The following KIAA1671 variants were observed in gnomAD, a reference collection of about 807,000 sequenced individuals.
The protein encoded by KIAA1671 is KIAA1671, also known as uncharacterized protein KIAA1671.
KIAA1671 carries 52 observed loss-of-function variants against 131.2 expected under a neutral mutation model. The ratio of observed to expected loss-of-function variants is 0.40; its 90% CI spans 0.32 to 0.50. The LOEUF (loss-of-function observed/expected upper bound fraction) is 0.50, where lower values mean the gene tolerates loss of function less well. KIAA1671 is among the 20% of genes least tolerant of loss of function. The probability of loss-of-function intolerance (pLI) is 0.73; values close to 1 mark genes in which losing one functional copy is unlikely to be tolerated. For missense variants in KIAA1671, 2,360 were observed against 2,364.2 expected, an observed-to-expected ratio of 1.00 and a Z score of 0.04; for synonymous variants, 1,003 against 961.6, an observed-to-expected ratio of 1.04 and a Z score of -0.80.
At chr22:25,005,184 C>A (rs1270228639) in intron 1 of KIAA1671, among the ~76,000 whole-genome samples, 2 of 150,128 alleles carry the variant, frequency 1.3e-5, no homozygotes, top group Non-Finnish European at 3.0e-5. Context: ...CCTGTCTCTA[C>A]TAAAACTACA....
At chr22:25,171,024 T>C in intron 7 of KIAA1671, 86 bp downstream of exon 7, 3 of 1,034,022 alleles carry the variant, frequency 2.9e-6, no homozygotes, top group East Asian at 2.6e-5. Flanking sequence ...GATTTCTATA[T>C]TGCTAAAACC....
chr22:25,005,357 AAAAAAAAG>A (rs1454263150), intron 1 of KIAA1671, among the ~76,000 whole-genome samples: 2 of 151,850 alleles, frequency 1.3e-5, no homozygotes, highest in South Asian at 2.1e-4. Context: ...AAAAAAAAAA[AAAAAAAAG>A]AAAAAAAGAA....
chr22:25,029,220 G>A lies in KIAA1671; in HGVS notation c.1221G>A (p.Leu407=). The A allele has an allele frequency of 6.8e-7, 1 of 1,461,986 alleles. No individual in the cohort carries two copies. Among genetic ancestry groups the A allele is most frequent in the Non-Finnish European group, 9.1e-7 (1 of 1,103,430 alleles). 90.6% of individuals were successfully genotyped at this position (1,461,986 alleles called of 1,614,324 possible). Reference sequence around the variant, plus strand: ...CTGCTGAGTCCCCCTCACCCAGGCTGGGAAGGGGCCTAGAACTTGCTGAGG... The same window carrying A: ...CTGCTGAGTCCCCCTCACCCAGGCTAGGAAGGGGCCTAGAACTTGCTGAGG... ...EKAAESPSPR[L]GRGLELAEVK... is the part of the protein sequence containing the mutation. Residue 407 remains leucine (L), a synonymous_variant, in exon 3 of 13, where the codon CTG becomes CTA. Transcript: ENST00000358431.
chr22:25,084,010 G>C (rs1173001416), intron 6 of KIAA1671, among the ~76,000 whole-genome samples: 1 of 152,244 alleles, frequency 6.6e-6, no homozygotes, highest in African/African-American at 2.4e-5. Context: ...CCTAAGTCTT[G>C]TCTTGAGGAC....
At chr22:25,136,187 C>T (rs536241988) in intron 6 of KIAA1671, among the ~76,000 whole-genome samples, 3 of 152,284 alleles carry the variant, frequency 2.0e-5, no homozygotes, top group African/African-American at 7.2e-5. Flanking sequence ...AGGTATCTAC[C>T]CTGCTTCATG....
At chr22:25,073,416 A>G (rs1379262283) in intron 6 of KIAA1671, among the ~76,000 whole-genome samples, 1 of 152,184 alleles carries the variant, frequency 6.6e-6, no homozygotes, top group Non-Finnish European at 1.5e-5. Flanking sequence ...GTATACATTT[A>G]AAGTGTGCAA....
rs1268003575 is a variant in KIAA1671 at position 25,039,464 on chromosome 22, C to T, written c.2334C>T (p.Thr778=). Residue 778 remains threonine, a synonymous_variant, in exon 5 of 13, where the codon ACC becomes ACT. Coordinates refer to ENST00000358431, the MANE Select transcript of KIAA1671 (RefSeq NM_001145206.2). ...ACAGGCAGCTGTCCCAGGAGGTCACCCCTGCTGACCTGGAGTGTGGTTTGG... is the reference window on the plus strand; with the variant it reads ...ACAGGCAGCTGTCCCAGGAGGTCACTCCTGCTGACCTGGAGTGTGGTTTGG... The part of the protein sequence containing the change: ...LKDRQLSQEV[T]PADLECGLEG... 1 of 1,551,710 alleles carries T rather than the reference C, an allele frequency of 6.4e-7. No homozygotes were observed. Among genetic ancestry groups the T allele is most frequent in the African/African-American group, 1.4e-5 (1 of 73,086 alleles).
chr22:25,007,701 C>T (rs1924827105), intron 1 of KIAA1671, among the ~76,000 whole-genome samples: 1 of 152,098 alleles, frequency 6.6e-6, no homozygotes, highest in South Asian at 2.1e-4. Flanking sequence ...CCATGGCAAC[C>T]ACCTGATGAC....
intron 6 of KIAA1671, among the ~76,000 whole-genome samples, chr22:25,120,305 C>G (rs994512191): frequency 6.6e-6 from 1 of 152,262 alleles, no homozygotes; most frequent in Non-Finnish European, 1.5e-5. Flanking sequence ...ACTTCATTCT[C>G]TGCTACAGTG....
chr22:25,003,283 T>C (rs1602058811), intron 1 of KIAA1671, among the ~76,000 whole-genome samples: 1 of 152,120 alleles, frequency 6.6e-6, no homozygotes, highest in African/African-American at 2.4e-5. Flanking sequence ...GCATTTCATA[T>C]AGAAACTGGC....
At chr22:24,987,494 T>G (rs1469668736) in intron 1 of KIAA1671, among the ~76,000 whole-genome samples, 1 of 151,956 alleles carries the variant, frequency 6.6e-6, no homozygotes, top group Admixed American at 6.6e-5. Flanking sequence ...TGAGATGGAG[T>G]CTCACTCTGT....
At chr22:25,093,834 G>GTCTCTCTCTCTCTCTCTCTC (rs1568951583) in intron 6 of KIAA1671, among the ~76,000 whole-genome samples, 1 of 16,940 alleles carries the variant, frequency 5.9e-5, no homozygotes, top group Non-Finnish European at 1.1e-4. Flanking sequence ...TTCTCTCTCT[G>GTCTCTCTCTCTCTCTCTCTC]TCTGTCTCTC....
chr22:25,096,504 G>A lies in KIAA1671; in HGVS notation c.4530+47140G>A, dbSNP rs117121646. The stretch of plus-strand genomic sequence containing the variant: ...CTTCCATCTTCCCTCCCTGTTGCCC[G>A]TCCGCTGGTCTTTGGGTGTTTCCCA... On this transcript the variant is annotated intron_variant, in intron 6 of 12. Transcript: ENST00000358431. Among the ~76,000 whole-genome samples, 852 of 152,240 alleles carry A rather than the reference G, an allele frequency of 5.6e-3. 3 individuals are homozygous for A. The highest frequency in any genetic ancestry group is 0.017 in the Middle Eastern group (5 of 294).
intron 6 of KIAA1671, among the ~76,000 whole-genome samples, chr22:25,071,649 T>C (rs1928833987): frequency 8.4e-6 from 1 of 119,722 alleles, no homozygotes; most frequent in African/African-American, 2.9e-5. Flanking sequence ...CTGGATAACC[T>C]TGATGTGCCT....
At chr22:25,117,957 G>A (rs949620038) in intron 6 of KIAA1671, among the ~76,000 whole-genome samples, 2 of 151,816 alleles carry the variant, frequency 1.3e-5, no homozygotes, top group African/African-American at 4.8e-5. Flanking sequence ...TGACCAACAT[G>A]GAGAAACCCC....
At chr22:25,169,219 C>T (rs553961279) in intron 6 of KIAA1671, among the ~76,000 whole-genome samples, 1 of 152,030 alleles carries the variant, frequency 6.6e-6, no homozygotes, top group Non-Finnish European at 1.5e-5. Context: ...GAGATTAAGA[C>T]CAGCCTGGGC....
chr22:25,182,134 G>A (rs1407676634), intron 10 of KIAA1671, among the ~76,000 whole-genome samples: 1 of 151,930 alleles, frequency 6.6e-6, no homozygotes, highest in Non-Finnish European at 1.5e-5. Context: ...AGCCGAGATT[G>A]CGCCACGGCA....
At chr22:25,175,979 G>A (rs1934011816) in intron 8 of KIAA1671, 2 of 152,378 alleles carry the variant, frequency 1.3e-5, no homozygotes, top group South Asian at 4.1e-4. Context: ...GAGGCCAAAT[G>A]GGGAGGCGGA....
chr22:25,100,317 G>A (rs999887911), intron 6 of KIAA1671, among the ~76,000 whole-genome samples: 6 of 152,222 alleles, frequency 3.9e-5, no homozygotes, highest in African/African-American at 1.2e-4. Context: ...CCATGTTGGT[G>A]AACCTTGTGT....
Sources: allele counts gnomAD v4.1 joint callset (sites outside exome capture counted in the v4.1 genomes callset), GRCh38; gene constraint gnomAD v4.1.1; transcripts MANE v1.5; gene names NCBI Gene and HGNC (gene_info 2026-07-23, HGNC 2026-07-21).